ZNF676: variants seen among roughly 807,000 people sequenced by gnomAD.
ZNF676 encodes the protein zinc finger protein 676.
A neutral mutation model predicts 6.0 loss-of-function variants in ZNF676; 4 were observed. The ratio of observed to expected loss-of-function variants is 0.67; its 90% CI spans 0.33 to 1.53. The LOEUF (loss-of-function observed/expected upper bound fraction) is 1.53. Among genes scored for constraint, ZNF676 ranks in the 40% most tolerant of loss-of-function variants. ZNF676 has a pLI of 0.06. For synonymous variants in ZNF676, 198 were observed against 223.1 expected (o/e 0.89, Z 1.00); for missense variants, 644 against 679.7 (o/e 0.95, Z 0.58).
chr19:22,206,315 C>G (rs1180688717), intron 1 of ZNF676, among the ~76,000 whole-genome samples: 1 of 152,130 alleles, frequency 6.6e-6, no homozygotes, highest in East Asian at 1.9e-4. Flanking sequence ...GATACCAAAA[C>G]CTAACAGAGA....
rs2023747738 is a variant in ZNF676 at position 22,181,366 on chromosome 19, T to C, written c.351A>G (p.Lys117=). 1.9e-6 allele frequency: 3 copies of C among 1,613,632 alleles called. No homozygotes were observed. The Admixed American group carries it at 5.0e-5, about 27-fold the overall frequency. ...TTQSKVFQCG[K]YANVFHKCSN... ...AACATTTATGAAAGACGTTTGCATA[T>C]TTGCCACATTGAAATACTTTGCTCT... The change falls in exon 3 of 3, where the codon AAA becomes AAG. Residue 117 remains lysine (K), a synonymous_variant. Transcript: ENST00000397121.
the ZNF676 span, among the ~76,000 whole-genome samples, chr19:22,238,704 A>G: frequency 6.6e-6 from 1 of 152,160 alleles, no homozygotes; most frequent in Non-Finnish European, 1.5e-5. Context: ...CAATCACTAG[A>G]TCTCACAACA....
the ZNF676 span, among the ~76,000 whole-genome samples, chr19:22,247,570 A>T: frequency 6.6e-6 from 1 of 150,938 alleles, no homozygotes; most frequent in Non-Finnish European, 1.5e-5. Flanking sequence ...GGCTCAAAAA[A>T]AAAAAAATTT....
rs570265020 is a variant in ZNF676 at position 22,181,466 on chromosome 19, C to G, written c.251G>C (p.Ser84Thr). The G allele has an allele frequency of 2.5e-6, 4 of 1,613,566 alleles. No homozygotes were observed. In the South Asian group the frequency reaches 3.3e-5, roughly 13 times the overall value. ...GTTACACTCATCCACATTGGTACAA[C>G]TAATTTTTAAGTGTAAATTCTCATG... ...CGHENLHLKISCTNVDECNVH... is the reference protein window; with the variant it reads ...CGHENLHLKITCTNVDECNVH... Residue 84 changes from serine (S) to threonine (T), a missense_variant, in exon 3 of 3, where the codon AGT becomes ACT. Coordinates refer to ENST00000397121, the MANE Select transcript of ZNF676 (RefSeq NM_001001411.3).
the ZNF676 span, among the ~76,000 whole-genome samples, chr19:22,242,733 C>T: frequency 6.6e-6 from 1 of 151,818 alleles, no homozygotes; most frequent in South Asian, 2.1e-4. Context: ...TGTAACCTCA[C>T]CTAGGTGAGA....
rs764804869 is a variant in ZNF676 at position 22,180,674 on chromosome 19, C to A, written c.1043G>T (p.Arg348Leu). ...KCEECGKAFN[R>L]SSILTKHKII... Reference sequence around the variant, plus strand: ...CTTATGTTTAGTAAGGATTGAGGATCGATTAAAAGCTTTCCCGCATTCTTC... The same window carrying A: ...CTTATGTTTAGTAAGGATTGAGGATAGATTAAAAGCTTTCCCGCATTCTTC... The change falls in exon 3 of 3, where the codon CGA (arginine) becomes CTA (leucine). Residue 348 changes from arginine (R) to leucine (L), a missense_variant. By Grantham distance (102) the Arg-to-Leu change is moderately radical (BLOSUM62 -2). Transcript: ENST00000397121. 6.2e-7 allele frequency: 1 copy of A among 1,610,610 alleles called. No homozygotes were observed. The highest frequency in any genetic ancestry group is 1.3e-5 in the African/African-American group (1 of 74,430).
At chr19:22,187,261 T>A (rs918111770) in intron 2 of ZNF676, among the ~76,000 whole-genome samples, 4 of 152,308 alleles carry the variant, frequency 2.6e-5, no homozygotes, top group South Asian at 2.1e-4. Context: ...AACCTGCTCC[T>A]GAATGACTAC....
At position 22,196,850 on chromosome 19, in the gene ZNF676, A is replaced by C; in HGVS notation, c.-217T>G. On this transcript the variant is annotated 5_prime_UTR_variant, in exon 1 of 3. It removes the in-frame stop codon of an upstream open reading frame in the 5' UTR. Transcript: ENST00000397121. ...CTGACTTATATGAATGACTGAAATTATTCAATAAAATAGTTTTCAACACAG... is the reference window on the plus strand; with the variant it reads ...CTGACTTATATGAATGACTGAAATTCTTCAATAAAATAGTTTTCAACACAG... 1 of 901,930 alleles carries C rather than the reference A, an allele frequency of 1.1e-6. No homozygotes were observed. Among genetic ancestry groups the C allele is most frequent in the South Asian group, 1.7e-5 (1 of 59,150 alleles). The allele number at this position is 901,930 out of a possible 1,614,324, so 55.9% of individuals were successfully genotyped here. A position where few individuals can be genotyped will look rare whatever the true frequency, so the allele number is the denominator to read the frequency against.
chr19:22,248,779 G>C, the ZNF676 span, among the ~76,000 whole-genome samples: 2 of 152,266 alleles, frequency 1.3e-5, no homozygotes, highest in Admixed American at 6.5e-5. Context: ...GTCAGGGCTG[G>C]AGTGCCATGG....
the ZNF676 span, among the ~76,000 whole-genome samples, chr19:22,256,247 T>C: frequency 6.6e-6 from 1 of 152,234 alleles, no homozygotes; most frequent in Non-Finnish European, 1.5e-5. Context: ...AGATGGGACA[T>C]GTAACCTGTG....
chr19:22,249,924 C>CT, the ZNF676 span, among the ~76,000 whole-genome samples: 1 of 151,888 alleles, frequency 6.6e-6, no homozygotes, highest in Admixed American at 6.6e-5. Flanking sequence ...TGGCTCACAC[C>CT]TGTAATCCCA....
At chr19:22,194,696 C>A (rs1294411727) in intron 1 of ZNF676, among the ~76,000 whole-genome samples, 1 of 151,954 alleles carries the variant, frequency 6.6e-6, no homozygotes, top group African/African-American at 2.4e-5. Flanking sequence ...GAATCAGTGC[C>A]GCTCAAAATT....
At chr19:22,236,655 G>C in the ZNF676 span, among the ~76,000 whole-genome samples, 4 of 152,170 alleles carry the variant, frequency 2.6e-5, no homozygotes, top group Admixed American at 2.6e-4. Flanking sequence ...ACTGGCTCAA[G>C]TCTGGAAATT....
chr19:22,212,136 C>T (rs1160964210), intron 1 of ZNF676, among the ~76,000 whole-genome samples: 1 of 146,346 alleles, frequency 6.8e-6, no homozygotes, highest in African/African-American at 2.5e-5. Context: ...GGAGGCGAAG[C>T]TTGCAGCGAG....
upstream of ZNF676, among the ~76,000 whole-genome samples, chr19:22,200,720 T>C (rs1274327315): frequency 6.6e-6 from 1 of 152,008 alleles, no homozygotes; most frequent in Non-Finnish European, 1.5e-5. Flanking sequence ...TATTCAATAT[T>C]ATTCAATATG....
chr19:22,241,067 C>T, the ZNF676 span, among the ~76,000 whole-genome samples: 1 of 151,892 alleles, frequency 6.6e-6, no homozygotes, highest in Admixed American at 6.6e-5. Context: ...TCACAATGTC[C>T]TCTATGGGCA....
intron 1 of ZNF676, among the ~76,000 whole-genome samples, chr19:22,214,544 A>AGCCTAGATG (rs1411501080): frequency 6.8e-6 from 1 of 148,040 alleles, no homozygotes; most frequent in Non-Finnish European, 1.5e-5. Flanking sequence ...GAGTCCAGTT[A>AGCCTAGATG]GCCTAGATGG....
At chr19:22,196,345 C>T (rs1276166240) in intron 1 of ZNF676, among the ~76,000 whole-genome samples, 5 of 152,046 alleles carry the variant, frequency 3.3e-5, no homozygotes, top group Non-Finnish European at 5.9e-5. Flanking sequence ...GTCATGCAGG[C>T]CTGCATTAAG....
the ZNF676 span, among the ~76,000 whole-genome samples, chr19:22,247,638 G>A: frequency 2.0e-5 from 3 of 151,544 alleles, no homozygotes; most frequent in Admixed American, 1.3e-4. Context: ...CGACGAGGCA[G>A]GCCAGGCACG....
Sources: gnomAD v4.1 joint callset for allele counts (sites outside exome capture counted in the v4.1 genomes callset) on GRCh38, gnomAD v4.1.1 for gene constraint, MANE v1.5 for transcripts, NCBI Gene and HGNC (gene_info 2026-07-23, HGNC 2026-07-21) for gene names.